PRKDC: variants seen among roughly 807,000 people sequenced by gnomAD.
PRKDC encodes the protein protein kinase, DNA-activated, catalytic subunit, also known as DNA-dependent protein kinase catalytic subunit.
A neutral mutation model predicts 486.9 loss-of-function variants in PRKDC; 82 were observed. The ratio of observed to expected loss-of-function variants is 0.17; its 90% confidence interval spans 0.14 to 0.20. The LOEUF (loss-of-function observed/expected upper bound fraction) is 0.20. Ranked by LOEUF, PRKDC falls within the 10% of genes least tolerant of loss-of-function variation. The probability of loss-of-function intolerance (pLI) is 1.00; values close to 1 mark genes in which losing one functional copy is unlikely to be tolerated. For missense variants in PRKDC, 4,504 were observed against 5,038.2 expected, an observed-to-expected ratio of 0.89 and a Z score of 3.21; for synonymous variants, 1,895 against 1,837.0, an observed-to-expected ratio of 1.03 and a Z score of -0.81.
In PRKDC at chr8:47,957,704, C is replaced by T. The variant is rs190568327; in HGVS notation, c.155-273G>A. Reference sequence around the variant, plus strand: ...TTTTTTTTTGTATTTTTAGTAGAGACGGGGTTTCACCGTGTTAGCCAGGAT... The same window carrying T: ...TTTTTTTTTGTATTTTTAGTAGAGATGGGGTTTCACCGTGTTAGCCAGGAT... On this transcript the variant is annotated intron_variant, in intron 1 of 85. Coordinates refer to ENST00000314191, the MANE Select transcript of PRKDC (RefSeq NM_006904.7). Among the ~76,000 whole-genome samples the T allele has an allele frequency of 2.8e-4, 42 of 152,098 alleles. 1 individual carries two copies. The East Asian group carries it at 5.2e-3, about 19-fold the overall frequency.
At chr8:47,846,081 T>C (rs1181906567) in intron 54 of PRKDC, among the ~76,000 whole-genome samples, 2 of 152,144 alleles carry the variant, frequency 1.3e-5, no homozygotes, top group East Asian at 3.9e-4. Context: ...ACAAAAGCCA[T>C]ATGATCATTT....
intron 21 of PRKDC, among the ~76,000 whole-genome samples, chr8:47,925,181 G>A (rs1267967959): frequency 1.3e-5 from 2 of 152,166 alleles, no homozygotes; most frequent in Admixed American, 1.3e-4. Context: ...TCCAGAAAGT[G>A]GAGCATGGAA....
At chr8:47,798,491 G>C in intron 72 of PRKDC, 94 bp from the exon 73 acceptor site, 9 of 1,271,380 alleles carry the variant, frequency 7.1e-6, no homozygotes, top group Non-Finnish European at 9.5e-6. Flanking sequence ...TTTTTGGCTT[G>C]TATTTTGTAG....
chr8:47,876,984 A>G (rs1404714101), intron 40 of PRKDC, among the ~76,000 whole-genome samples: 1 of 152,262 alleles, frequency 6.6e-6, no homozygotes. Flanking sequence ...GCCGTGAATA[A>G]GAAGTATAAA....
rs758136146 is a variant in PRKDC at position 47,826,609 on chromosome 8, T to G, written c.8783+47A>C. Reference sequence around the variant, plus strand: ...GAAGCCAAGTGTTTTCCGTATTGCTTTGGTCAAATCCAGTGTGCTCCCAAG... The same window carrying G: ...GAAGCCAAGTGTTTTCCGTATTGCTGTGGTCAAATCCAGTGTGCTCCCAAG... On this transcript the variant is annotated intron_variant, in intron 63 of 85. Coordinates refer to ENST00000314191, the MANE Select transcript of PRKDC (RefSeq NM_006904.7). 27 of 1,553,798 alleles carry G rather than the reference T, an allele frequency of 1.7e-5. No individual in the cohort carries two copies. In the East Asian group the frequency reaches 6.2e-4, roughly 36 times the overall value.
chr8:47,858,992 A>C lies in PRKDC; in HGVS notation c.6208-6T>G, dbSNP rs768095098. The C allele has an allele frequency of 1.2e-6, 2 of 1,612,012 alleles. No homozygotes were observed. The highest frequency in any genetic ancestry group is 2.7e-5 in the African/African-American group (2 of 74,924). On this transcript the variant is annotated splice_region_variant and splice_polypyrimidine_tract_variant and intron_variant, in intron 46 of 85. Coordinates refer to ENST00000314191, the MANE Select transcript of PRKDC (RefSeq NM_006904.7). ...ACCGTGGGGTCCCGCTGCTCCTGCG[A>C]AAGGGAGGGCCCAGGAGAGCAGAGG...
chr8:47,929,786 T>C, intron 18 of PRKDC, 67 bp downstream of exon 18: 5 of 1,422,344 alleles, frequency 3.5e-6, no homozygotes, highest in Non-Finnish European at 4.7e-6. Context: ...ACATATTTTA[T>C]GATACATTTA....
chr8:47,806,264 T>C (rs2087214024), intron 69 of PRKDC, among the ~76,000 whole-genome samples: 1 of 152,174 alleles, frequency 6.6e-6, no homozygotes, highest in Non-Finnish European at 1.5e-5. Flanking sequence ...TTTCCCCTCA[T>C]CATGCCAGAC....
chr8:47,917,635 G>T (rs932185619), intron 22 of PRKDC, among the ~76,000 whole-genome samples: 22 of 151,972 alleles, frequency 1.4e-4, no homozygotes, highest in African/African-American at 5.3e-4. Flanking sequence ...AAGAAAACTG[G>T]AACAAACTGA....
chr8:47,879,685 C>T, intron 38 of PRKDC, 27 bp from the exon 39 acceptor site: 1 of 1,503,714 alleles, frequency 6.7e-7, no homozygotes, highest in South Asian at 1.4e-5. Flanking sequence ...ACATAAGAAA[C>T]TGCACGAATT....
At chr8:47,924,306 C>T (rs2090121184) in intron 21 of PRKDC, among the ~76,000 whole-genome samples, 1 of 152,094 alleles carries the variant, frequency 6.6e-6, no homozygotes, top group Non-Finnish European at 1.5e-5. Flanking sequence ...TGCCTGTAAC[C>T]CCAGCACTTT....
intron 25 of PRKDC, among the ~76,000 whole-genome samples, chr8:47,911,697 T>C (rs2089905976): frequency 1.3e-5 from 2 of 152,330 alleles, no homozygotes; most frequent in South Asian, 4.1e-4. Flanking sequence ...TTCTGCTTCA[T>C]GGCAGCAGTG....
intron 25 of PRKDC, 34 bp from the exon 26 acceptor site, chr8:47,905,010 T>G (rs2089749690): frequency 6.8e-7 from 1 of 1,467,890 alleles, no homozygotes; most frequent in African/African-American, 1.4e-5. Flanking sequence ...TTAATTCCCT[T>G]CATGTTAAAG....
intron 64 of PRKDC, among the ~76,000 whole-genome samples, chr8:47,823,541 G>T (rs1291667028): frequency 6.6e-6 from 1 of 151,814 alleles, no homozygotes; most frequent in African/African-American, 2.4e-5. Flanking sequence ...CCAGTGTCAG[G>T]TATTTCTCTA....
At chr8:47,927,704 GTGTTTCTAT>G in intron 20 of PRKDC, 58 bp downstream of exon 20, 1 of 1,416,742 alleles carries the variant, frequency 7.1e-7, no homozygotes, top group Middle Eastern at 1.8e-4. Context: ...CAAGAGGATG[GTGTTTCTAT>G]GTGCTCTGGG....
chr8:47,882,223 C>T (rs1589763106), intron 36 of PRKDC, 126 bp from the exon 37 acceptor site: 1 of 895,514 alleles, frequency 1.1e-6, no homozygotes, highest in African/African-American at 1.7e-5. Context: ...AGATGTTTAT[C>T]TACTTCAAAA....
chr8:47,890,704 A>T (rs1438553455), intron 31 of PRKDC, among the ~76,000 whole-genome samples: 1 of 152,210 alleles, frequency 6.6e-6, no homozygotes, highest in Non-Finnish European at 1.5e-5. Flanking sequence ...CCCAAACATT[A>T]CATGTGAGAA....
rs765274940 is a variant in PRKDC, at chr8:47,913,085, T to C, written c.2782-523A>G. 2.0e-5 allele frequency among the ~76,000 whole-genome samples: 3 copies of C among 152,382 alleles called. No homozygotes were observed. In the East Asian group the frequency reaches 5.8e-4, roughly 29 times the overall value. ...TTAAGCAATAAAGCATTTTAAAGTA[T>C]GTATATAAAGTTCTAATGCTATTGC... On this transcript the variant is annotated intron_variant, in intron 24 of 85. Coordinates refer to ENST00000314191, the MANE Select transcript of PRKDC (RefSeq NM_006904.7).
rs1413298280 is a variant in PRKDC at position 47,774,260 on chromosome 8, T to C, written c.12300A>G (p.Glu4100=). ...CCATCAGGCACTTCACTTGAGTCTC[T>C]TCTGAAAGCCCACTCTCTGGTTCTT... is the stretch of plus-strand genomic sequence containing the variant. ...RAQEPESGLS[E]ETQVKCLMDQ... The change falls in exon 86 of 86, where the codon GAA becomes GAG. Residue 4100 remains glutamate (E), a synonymous_variant. Coordinates refer to ENST00000314191, the MANE Select transcript of PRKDC (RefSeq NM_006904.7). 2 of 1,608,736 alleles carry C rather than the reference T, an allele frequency of 1.2e-6. No individual in the cohort carries two copies. Among genetic ancestry groups the C allele is most frequent in the South Asian group, 2.2e-5 (2 of 89,544 alleles).
Sources: allele counts gnomAD v4.1 joint callset (sites outside exome capture counted in the v4.1 genomes callset), GRCh38; gene constraint gnomAD v4.1.1; transcripts MANE v1.5; gene names NCBI Gene and HGNC (gene_info 2026-07-23, HGNC 2026-07-21).